The following MDH1B variants were observed in gnomAD, a reference collection of about 807,000 sequenced individuals.
MDH1B encodes malate dehydrogenase 1B.
In MDH1B, 60 loss-of-function variants were observed where a neutral mutation model predicts 61.4. The observed-to-expected ratio is 0.98, with a 90% CI of 0.79 to 1.21. MDH1B has a LOEUF of 1.21. Ranked by LOEUF, MDH1B falls within the 50% of genes most tolerant of loss-of-function variation. The probability of loss-of-function intolerance (pLI) is 0.00; values close to 1 mark genes in which losing one functional copy is unlikely to be tolerated. For synonymous variants in MDH1B, 236 were observed against 218.7 expected (o/e 1.08, Z -0.70); for missense variants, 587 against 632.1 (o/e 0.93, Z 0.76).
At position 206,755,308 on chromosome 2, in the gene MDH1B, G is replaced by A; in HGVS notation, c.611C>T (p.Ala204Val). The change falls in exon 5 of 12, where the codon GCC (alanine) becomes GTC (valine). Residue 204 changes from alanine to valine, a missense_variant. Ala to Val is a moderately conservative substitution (Grantham distance 64, BLOSUM62 0). Coordinates refer to ENST00000374412, the MANE Select transcript of MDH1B (RefSeq NM_001039845.3). ...SVSICTKVEE[A>V]FRQAHVIVVL... ...CACAATGACGTGGGCCTGGCGGAAGGCCTCCTCCACCTTCGTGCAGATGGA... is the reference window on the plus strand; with the variant it reads ...CACAATGACGTGGGCCTGGCGGAAGACCTCCTCCACCTTCGTGCAGATGGA... 1 of 1,614,198 alleles carries A rather than the reference G, an allele frequency of 6.2e-7. No individual in the cohort carries two copies. The highest frequency in any genetic ancestry group is 8.5e-7 in the Non-Finnish European group (1 of 1,180,030).
rs1395402519 is a variant in MDH1B at position 206,749,157 on chromosome 2, G to C, written c.1079C>G (p.Ala360Gly). 6.2e-7 allele frequency: 1 copy of C among 1,613,980 alleles called. No homozygotes were observed. The highest frequency in any genetic ancestry group is 8.5e-7 in the Non-Finnish European group (1 of 1,179,952). Reference protein sequence around the residue: ...DSEWVKREFVAILKNLTTTGR... With the variant: ...DSEWVKREFVGILKNLTTTGR... ...TGTGGTGGTCAAGTTTTTAAGAATT[G>C]CCACAAATTCTCTTTTTACCCACTC... Residue 360 changes from alanine to glycine, a missense_variant, in exon 7 of 12, where the codon GCA (alanine) becomes GGA (glycine). Physicochemically the swap from Ala to Gly is moderately conservative, Grantham distance 60. Coordinates refer to ENST00000374412, the MANE Select transcript of MDH1B (RefSeq NM_001039845.3).
Position 206,750,985 on chromosome 2 carries a change from A to G in MDH1B, c.1001T>C (p.Ile334Thr), listed in dbSNP as rs770550515. The change falls in exon 6 of 12, where the codon ATT (isoleucine) becomes ACT (threonine). Residue 334 changes from isoleucine (I) to threonine (T), a missense_variant. Physicochemically the swap from Ile to Thr is moderately conservative, Grantham distance 89. Transcript: ENST00000374412. ...KTRVYRYESA[I>T]WGPLHYSRPV... ...GCGTGAATAATGAAGAGGTCCCCAA[A>G]TGGCACTCTCATATCTGTACACCCT... The G allele has an allele frequency of 6.2e-7, 1 of 1,612,004 alleles. No homozygotes were observed. The highest frequency in any genetic ancestry group is 8.5e-7 in the Non-Finnish European group (1 of 1,178,778).
At chr2:206,757,182 A>C in intron 3 of MDH1B, 55 bp downstream of exon 3, 1 of 1,551,072 alleles carries the variant, frequency 6.4e-7, no homozygotes, top group Non-Finnish European at 8.7e-7. Context: ...TATTTGAAAA[A>C]TAAAATAATG....
At chr2:206,759,100 C>G (rs1003379313) in intron 2 of MDH1B, among the ~76,000 whole-genome samples, 1 of 151,928 alleles carries the variant, frequency 6.6e-6, no homozygotes, top group South Asian at 2.1e-4. Flanking sequence ...GCCTAGTGCC[C>G]GTTAGTTATT....
intron 5 of MDH1B, 137 bp from the exon 6 acceptor site, chr2:206,751,212 A>G (rs1688419580): frequency 1.7e-6 from 1 of 599,106 alleles, no homozygotes; most frequent in Non-Finnish European, 2.7e-6. Flanking sequence ...TAGGTTTATG[A>G]TTCCTAAAAT....
At position 206,755,065 on chromosome 2, in the gene MDH1B, C is replaced by A. The variant is rs1301176433; in HGVS notation, c.854G>T (p.Gly285Val). ...TATGGCTTTCGCTTCACCTTCCACC[C>A]CCAGCGCCACAGCAATAATGTTGTG... ...IAHNIIAVAL[G>V]VEGEAKAILA... The change falls in exon 5 of 12, where the codon GGG (glycine) becomes GTG (valine). Residue 285 changes from glycine (G) to valine (V), a missense_variant. Transcript: ENST00000374412. 1.2e-6 allele frequency: 2 copies of A among 1,614,072 alleles called. No individual in the cohort carries two copies. The highest frequency in any genetic ancestry group is 8.5e-7 in the Non-Finnish European group (1 of 1,180,026).
chr2:206,755,949 CA>C (rs1485179056), intron 4 of MDH1B, among the ~76,000 whole-genome samples: 5 of 150,252 alleles, frequency 3.3e-5, no homozygotes, highest in Non-Finnish European at 7.4e-5. Context: ...CTATCTTTTC[CA>C]AATTCTTACA....
chr2:206,745,279 C>T, intron 9 of MDH1B: 1 of 445,590 alleles, frequency 2.2e-6, no homozygotes, highest in South Asian at 1.7e-5. Flanking sequence ...GCTGATACCT[C>T]ACATCAGGTC....
rs760489297 is a variant in MDH1B, at chr2:206,755,205, G to A, written c.714C>T (p.Leu238=). The A allele has an allele frequency of 1.2e-6, 2 of 1,614,178 alleles. No individual in the cohort carries two copies. The highest frequency in any genetic ancestry group is 3.3e-5 in the Admixed American group (2 of 60,026). The change falls in exon 5 of 12, where the codon CTC becomes CTT. Residue 238 remains leucine, a synonymous_variant. Coordinates refer to ENST00000374412, the MANE Select transcript of MDH1B (RefSeq NM_001039845.3). ...CLRSRVPLCR[L]YGYLIEKNAH... ...CATTTTTCTCTATCAGGTACCCATA[G>A]AGCCTGCAGAGAGGCACCCTGCTTC...
intron 10 of MDH1B, 29 bp downstream of exon 10, chr2:206,741,025 A>C: frequency 6.2e-7 from 1 of 1,612,786 alleles, no homozygotes; most frequent in Non-Finnish European, 8.5e-7. Flanking sequence ...TTAGCAATAT[A>C]GACATTGTTT....
At chr2:206,743,497 G>C (rs1170603742) in intron 9 of MDH1B, among the ~76,000 whole-genome samples, 2 of 151,926 alleles carry the variant, frequency 1.3e-5, no homozygotes, top group Non-Finnish European at 2.9e-5. Context: ...CTTCTCTCTA[G>C]ACAATCTCCA....
chr2:206,765,179 C>G, intron 1 of MDH1B, 71 bp downstream of exon 1: 7 of 1,567,804 alleles, frequency 4.5e-6, no homozygotes, highest in South Asian at 1.2e-5. Flanking sequence ...GCTGCCAAGC[C>G]GAGCGGCCAT....
intron 9 of MDH1B, among the ~76,000 whole-genome samples, chr2:206,744,795 T>C (rs1688002212): frequency 6.6e-6 from 1 of 151,872 alleles, no homozygotes; most frequent in Non-Finnish European, 1.5e-5. Flanking sequence ...CATGGTGGTG[T>C]GCACCTGTAG....
chr2:206,746,519 A>T, intron 7 of MDH1B, 93 bp from the exon 8 acceptor site: 1 of 1,315,778 alleles, frequency 7.6e-7, no homozygotes, highest in South Asian at 1.6e-5. Context: ...CAGACATAGT[A>T]TAGGATTTTT....
At chr2:206,762,119 C>T (rs755314475) in intron 1 of MDH1B, among the ~76,000 whole-genome samples, 4 of 152,110 alleles carry the variant, frequency 2.6e-5, no homozygotes, top group South Asian at 2.1e-4. Flanking sequence ...CTCAACCCTG[C>T]GTGGAGATCC....
intron 5 of MDH1B, among the ~76,000 whole-genome samples, chr2:206,753,460 G>A (rs983473381): frequency 1.3e-5 from 2 of 152,102 alleles, no homozygotes; most frequent in Non-Finnish European, 2.9e-5. Context: ...TTCAGTCACC[G>A]TGAGTTGACT....
intron 10 of MDH1B, 66 bp downstream of exon 10, chr2:206,740,988 A>AGTT (rs1559329994): frequency 6.3e-7 from 1 of 1,599,248 alleles, no homozygotes; most frequent in East Asian, 2.2e-5. Context: ...TTATTCTCTA[A>AGTT]CAACTGGACA....
In MDH1B at chr2:206,755,324, T is replaced by C. The variant is rs1467639474; in HGVS notation, c.595A>G (p.Thr199Ala). The part of the protein sequence containing the change: ...SPVLRSVSIC[T>A]KVEEAFRQAH... ...TGGCGGAAGGCCTCCTCCACCTTCG[T>C]GCAGATGGAGACACTGCGCAGGACG... is the stretch of plus-strand genomic sequence containing the variant. The change falls in exon 5 of 12, where the codon ACG becomes GCG. Residue 199 changes from threonine to alanine, a missense_variant. Physicochemically the swap from Thr to Ala is moderately conservative, Grantham distance 58. Transcript: ENST00000374412. 1.9e-6 allele frequency: 3 copies of C among 1,614,172 alleles called. No homozygotes were observed.
chr2:206,755,542 A>G (rs1688714420), intron 4 of MDH1B, 37 bp from the exon 5 acceptor site: 1 of 1,577,868 alleles, frequency 6.3e-7, no homozygotes, highest in South Asian at 1.2e-5. Context: ...GAATAGTTAT[A>G]TCCTTTGTCC....
Sources: allele counts gnomAD v4.1 joint callset (sites outside exome capture counted in the v4.1 genomes callset), GRCh38; gene constraint gnomAD v4.1.1; transcripts MANE v1.5; gene names NCBI Gene and HGNC (gene_info 2026-07-23, HGNC 2026-07-21).